UBE2H: variants seen among roughly 807,000 people sequenced by gnomAD.
The protein encoded by UBE2H is ubiquitin-conjugating enzyme E2 H.
Under a neutral mutation model 29.0 loss-of-function variants are expected in UBE2H, and 3 were observed. That is an observed-to-expected ratio of 0.10 (90% CI 0.05 to 0.27). The LOEUF (loss-of-function observed/expected upper bound fraction) is 0.27, where lower values mean the gene tolerates loss of function less well. UBE2H is among the 10% of genes least tolerant of loss of function. UBE2H has a pLI of 1.00. For missense variants in UBE2H, 68 were observed against 228.2 expected, an observed-to-expected ratio of 0.30 and a Z score of 4.52; for synonymous variants, 69 against 82.9, an observed-to-expected ratio of 0.83 and a Z score of 0.91.
chr7:129,900,532 C>A (rs1278384578), intron 1 of UBE2H, among the ~76,000 whole-genome samples: 3 of 152,086 alleles, frequency 2.0e-5, no homozygotes. Flanking sequence ...TTCAACCTCA[C>A]CCCCATGTTT....
chr7:129,864,365 G>A (rs565078108), intron 3 of UBE2H, among the ~76,000 whole-genome samples: 66 of 152,210 alleles, frequency 4.3e-4, no homozygotes, highest in African/African-American at 1.6e-3. Flanking sequence ...TCACATTAAT[G>A]AATATGTCTG....
intron 3 of UBE2H, among the ~76,000 whole-genome samples, chr7:129,876,073 AT>A (rs1806138782): frequency 1.3e-5 from 2 of 152,318 alleles, no homozygotes; most frequent in South Asian, 4.1e-4. Flanking sequence ...GAACCATGCC[AT>A]TAAGTACACG....
chr7:129,894,657 T>G (rs868608708), intron 1 of UBE2H, among the ~76,000 whole-genome samples: 2 of 151,712 alleles, frequency 1.3e-5, no homozygotes, highest in Middle Eastern at 6.8e-3. Context: ...CCGGCTAATT[T>G]TTTGTATTTT....
At chr7:129,898,982 T>TA (rs796750026) in intron 1 of UBE2H, among the ~76,000 whole-genome samples, 6 of 152,330 alleles carry the variant, frequency 3.9e-5, no homozygotes, top group African/African-American at 1.4e-4. Flanking sequence ...GACATGTAGG[T>TA]ACAAACTGTT....
intron 1 of UBE2H, 62 bp from the exon 2 acceptor site, chr7:129,881,033 C>T: frequency 6.8e-7 from 1 of 1,464,184 alleles, no homozygotes. Flanking sequence ...TTACCAATAA[C>T]ACCCCAGGCA....
At chr7:129,915,262 C>T (rs558723562) in intron 1 of UBE2H, among the ~76,000 whole-genome samples, 116 of 152,248 alleles carry the variant, frequency 7.6e-4, no homozygotes, top group Admixed American at 1.6e-3. Flanking sequence ...TACAGCCGGG[C>T]GCGGTGTCTC....
chr7:129,920,186 T>C (rs1807128116), intron 1 of UBE2H, among the ~76,000 whole-genome samples: 2 of 152,240 alleles, frequency 1.3e-5, no homozygotes, highest in East Asian at 3.8e-4. Flanking sequence ...AAATATTTTA[T>C]AAAACTATAA....
intron 1 of UBE2H, among the ~76,000 whole-genome samples, chr7:129,915,937 T>A (rs1807035237): frequency 6.6e-6 from 1 of 152,184 alleles, no homozygotes; most frequent in Non-Finnish European, 1.5e-5. Context: ...ATCTATAATT[T>A]AAAAATTCCT....
In UBE2H at chr7:129,881,372, C is replaced by T. The variant is rs141026222; in HGVS notation, c.54-401G>A. Among the ~76,000 whole-genome samples the T allele has an allele frequency of 4.5e-4, 69 of 152,280 alleles. 1 individual carries two copies. The highest frequency in any genetic ancestry group is 4.3e-3 in the Admixed American group (66 of 15,294). On this transcript the variant is annotated intron_variant, in intron 1 of 6. Transcript: ENST00000355621. Reference sequence around the variant, plus strand: ...CTATATACATAAAAAACTGGCCAGACGCAGCGGCTCACGCCTGTAATCCCA... The same window carrying T: ...CTATATACATAAAAAACTGGCCAGATGCAGCGGCTCACGCCTGTAATCCCA...
At chr7:129,942,708 C>A (rs368596220) in intron 1 of UBE2H, among the ~76,000 whole-genome samples, 5 of 152,040 alleles carry the variant, frequency 3.3e-5, no homozygotes, top group South Asian at 2.1e-4. Flanking sequence ...TAAAAAAAAT[C>A]TTATCAATAC....
chr7:129,853,936 C>T (rs55675451), intron 5 of UBE2H, among the ~76,000 whole-genome samples: 9,506 of 152,234 alleles, frequency 0.062, 369 homozygotes, highest in Non-Finnish European at 0.091. Context: ...TCCCTGCTCC[C>T]TCATCGAATC....
intron 5 of UBE2H, among the ~76,000 whole-genome samples, chr7:129,844,793 C>G (rs921514619): frequency 6.6e-6 from 1 of 152,180 alleles, no homozygotes; most frequent in Non-Finnish European, 1.5e-5. Flanking sequence ...AATTATAACA[C>G]TCATATCTCA....
At chr7:129,852,554 C>G (rs1282272506) in intron 5 of UBE2H, among the ~76,000 whole-genome samples, 1 of 152,160 alleles carries the variant, frequency 6.6e-6, no homozygotes, top group Non-Finnish European at 1.5e-5. Context: ...TTGCCTGTTA[C>G]TAACTCCCCA....
At chr7:129,919,353 T>C (rs1807109698) in intron 1 of UBE2H, among the ~76,000 whole-genome samples, 1 of 152,000 alleles carries the variant, frequency 6.6e-6, no homozygotes, top group Non-Finnish European at 1.5e-5. Flanking sequence ...AAAAACAAAA[T>C]AAAACTCCTG....
In UBE2H at chr7:129,834,680, T is replaced by C; in HGVS notation, c.*257A>G. 1 of 331,994 alleles carries C rather than the reference T, an allele frequency of 3.0e-6. No homozygotes were observed. The allele number at this position is 331,994 out of a possible 1,614,324, so 20.6% of individuals were successfully genotyped here. ...TAGCACACAGGCTGACTTGGCCACA[T>C]GGACTCATGAATGCATGCATTCAGA... On this transcript the variant is annotated 3_prime_UTR_variant, in exon 7 of 7. Transcript: ENST00000355621.
chr7:129,909,856 G>C (rs1035819887), intron 1 of UBE2H, among the ~76,000 whole-genome samples: 3 of 152,168 alleles, frequency 2.0e-5, no homozygotes, highest in Non-Finnish European at 4.4e-5. Flanking sequence ...GGAGCAGCTT[G>C]AAAGAGGTGG....
At chr7:129,914,357 G>C (rs1033511732) in intron 1 of UBE2H, among the ~76,000 whole-genome samples, 4 of 151,972 alleles carry the variant, frequency 2.6e-5, no homozygotes, top group African/African-American at 9.7e-5. Context: ...AGTAGAGATG[G>C]GGTTTTGCCA....
chr7:129,837,654 G>C (rs1805355850), intron 6 of UBE2H, among the ~76,000 whole-genome samples: 1 of 152,088 alleles, frequency 6.6e-6, no homozygotes, highest in Admixed American at 6.6e-5. Context: ...ATTGGTGGTG[G>C]GAGTGAGTTT....
At chr7:129,838,236 C>A (rs760649568) in intron 6 of UBE2H, among the ~76,000 whole-genome samples, 1 of 152,132 alleles carries the variant, frequency 6.6e-6, no homozygotes, top group Non-Finnish European at 1.5e-5. Flanking sequence ...CCAAACAATA[C>A]CCTATAGAGA....
Sources: gnomAD v4.1 joint callset for allele counts (sites outside exome capture counted in the v4.1 genomes callset) on GRCh38, gnomAD v4.1.1 for gene constraint, MANE v1.5 for transcripts, NCBI Gene and HGNC (gene_info 2026-07-23, HGNC 2026-07-21) for gene names.